NAV2: variants seen among roughly 807,000 people sequenced by gnomAD.
The protein encoded by NAV2 is helicase, APC down-regulated 1.
A neutral mutation model predicts 223.2 loss-of-function variants in NAV2; 54 were observed. The observed-to-expected ratio is 0.24, with a 90% CI of 0.19 to 0.30. NAV2 has a LOEUF of 0.30. Among genes scored for constraint, NAV2 ranks in the 10% least tolerant of loss-of-function variants. The pLI is 1.00. For missense variants in NAV2, 2,806 were observed against 3,147.5 expected, an observed-to-expected ratio of 0.89 and a Z score of 2.60; for synonymous variants, 1,279 against 1,239.3, an observed-to-expected ratio of 1.03 and a Z score of -0.67.
rs528772044 is a variant in NAV2 at position 19,662,455 on chromosome 11, G to T, written c.76-170029G>T. On this transcript the variant is annotated intron_variant, in intron 1 of 37. Coordinates refer to the NAV2 transcript ENST00000360655. ...GGTTGGCAAGGTTCATAGCATGTAA[G>T]ACCAGATCCCTGCCTCCTCAGGGAA... 3.3e-5 allele frequency among the ~76,000 whole-genome samples: 5 copies of T among 152,336 alleles called. No homozygotes were observed. The South Asian group carries it at 1.0e-3, about 32-fold the overall frequency.
chr11:19,372,514 G>A (rs1245101872), intron 1 of NAV2, among the ~76,000 whole-genome samples: 2 of 152,130 alleles, frequency 1.3e-5, no homozygotes, highest in African/African-American at 2.4e-5. Flanking sequence ...TCTAACTGGC[G>A]CAGAGGAGCA....
rs947304762 is a variant in NAV2, at chr11:19,615,765, G to A, written c.76-216719G>A. 6.6e-5 allele frequency among the ~76,000 whole-genome samples: 10 copies of A among 152,102 alleles called. 1 individual carries two copies. Among genetic ancestry groups the A allele is most frequent in the African/African-American group, 2.4e-4 (10 of 41,434 alleles). On this transcript the variant is annotated intron_variant, in intron 1 of 37. Coordinates refer to the NAV2 transcript ENST00000360655. ...TTAATCGTAGCAGCCTCCATTTATT[G>A]AGAGCGTGTGATGTGCTAGCACCCT...
intron 1 of NAV2, among the ~76,000 whole-genome samples, chr11:19,422,814 C>T (rs1367095959): frequency 3.9e-5 from 6 of 152,238 alleles, no homozygotes; most frequent in African/African-American, 4.8e-5. Context: ...CTCCATCCCT[C>T]TCCCCTTCTG....
chr11:19,579,921 C>T (rs1034941938), intron 1 of NAV2, among the ~76,000 whole-genome samples: 13 of 152,174 alleles, frequency 8.5e-5, no homozygotes, highest in African/African-American at 2.4e-4. Context: ...AGGCCCAGCA[C>T]GTTAAACCAG....
At chr11:20,025,100 T>C (rs2153541834) in intron 11 of NAV2, among the ~76,000 whole-genome samples, 1 of 152,316 alleles carries the variant, frequency 6.6e-6, no homozygotes, top group East Asian at 1.9e-4. Context: ...CAGATCTGTA[T>C]TCAAATCCAG....
chr11:19,598,170 C>T (rs1036126601), intron 1 of NAV2, among the ~76,000 whole-genome samples: 25 of 152,182 alleles, frequency 1.6e-4, no homozygotes, highest in South Asian at 4.1e-4. Flanking sequence ...GGGAGTGTGC[C>T]GTCTCTTCTG....
At chr11:19,734,925 C>A (rs1445211803) in intron 1 of NAV2, among the ~76,000 whole-genome samples, 1 of 152,188 alleles carries the variant, frequency 6.6e-6, no homozygotes, top group Non-Finnish European at 1.5e-5. Flanking sequence ...ACCTAGGTAG[C>A]ATGTAGTTAT....
chr11:19,820,804 G>C (rs966308563), intron 1 of NAV2, among the ~76,000 whole-genome samples: 1 of 152,182 alleles, frequency 6.6e-6, no homozygotes, highest in Non-Finnish European at 1.5e-5. Flanking sequence ...TATTGGAGCT[G>C]TTACTCCAGT....
chr11:19,994,542 C>CT (rs2051675106), intron 11 of NAV2, among the ~76,000 whole-genome samples: 1 of 142,196 alleles, frequency 7.0e-6, no homozygotes, highest in South Asian at 2.2e-4. Context: ...GCAAAAAACT[C>CT]TGTCTCAAAG....
rs74781515 is a variant in NAV2 at position 19,629,807 on chromosome 11, G to A, written c.76-202677G>A. Among the ~76,000 whole-genome samples the A allele has an allele frequency of 7.9e-5, 12 of 152,194 alleles. No homozygotes were observed. The East Asian group carries it at 2.3e-3, about 29-fold the overall frequency. On this transcript the variant is annotated intron_variant, in intron 1 of 37. Coordinates refer to the NAV2 transcript ENST00000360655. Reference sequence around the variant, plus strand: ...ACTAAATCACACCCTGCACTTTCCCGCCTCTCAACCTCTGCTCTCACAGTG... The same window carrying A: ...ACTAAATCACACCCTGCACTTTCCCACCTCTCAACCTCTGCTCTCACAGTG...
chr11:19,401,657 T>A (rs1040484278), intron 1 of NAV2, among the ~76,000 whole-genome samples: 6 of 152,178 alleles, frequency 3.9e-5, no homozygotes, highest in Admixed American at 1.3e-4. Context: ...GGACTCAGGA[T>A]TCACCCACTC....
At chr11:19,472,592 T>A (rs2041997805) in intron 1 of NAV2, among the ~76,000 whole-genome samples, 1 of 152,152 alleles carries the variant, frequency 6.6e-6, no homozygotes, top group South Asian at 2.1e-4. Flanking sequence ...CCTCATTTCC[T>A]CTTGTGTAGT....
rs777242370 is a variant in NAV2 at position 20,035,987 on chromosome 11, G to A, written c.2797G>A (p.Gly933Ser). 60 of 1,614,016 alleles carry A rather than the reference G, an allele frequency of 3.7e-5. No individual in the cohort carries two copies. Among genetic ancestry groups the A allele is most frequent in the African/African-American group, 1.5e-4 (11 of 74,922 alleles). ...GGACGACAGCAGCTCCGTCAGCAGC[G>A]GCATCAGCGACACCATAGACAACCT... Reference protein sequence around the residue: ...SWDDSSSVSSGISDTIDNLST... With the variant: ...SWDDSSSVSSSISDTIDNLST... Residue 933 changes from glycine (G) to serine (S), a missense_variant, in exon 12 of 38, where the codon GGC becomes AGC. Physicochemically the swap from Gly to Ser is moderately conservative, Grantham distance 56. Around this residue, in one of 4 missense-constraint regions of NAV2, gnomAD observed 73 missense variants for 119.7 expected, o/e 0.61. Transcript: ENST00000349880.
chr11:19,944,951 TCTTTC>T (rs1487322785), intron 8 of NAV2, among the ~76,000 whole-genome samples: 1 of 148,522 alleles, frequency 6.7e-6, no homozygotes, highest in Non-Finnish European at 1.5e-5. Flanking sequence ...TCCCCTTTCC[TCTTTC>T]CTTTCCGTTC....
At position 20,085,956 on chromosome 11, in the gene NAV2, C is replaced by A. The variant is rs185612126; in HGVS notation, c.5498+2777C>A. Among the ~76,000 whole-genome samples the A allele has an allele frequency of 2.9e-3, 435 of 152,264 alleles. 6 individuals carry two copies. The highest frequency in any genetic ancestry group is 0.019 in the Admixed American group (288 of 15,300). ...GTGAACACATAGCAGCCTCTGCCAC[C>A]CCAGCCTCCCAATGAGCAGGGCAGT... is the stretch of plus-strand genomic sequence containing the variant. On this transcript the variant is annotated intron_variant, in intron 26 of 37. Coordinates refer to ENST00000349880, the MANE Select transcript of NAV2 (RefSeq NM_145117.5).
intron 1 of NAV2, 72 bp from the exon 2 acceptor site, chr11:19,832,412 C>A: frequency 8.3e-7 from 1 of 1,204,244 alleles, no homozygotes; most frequent in Non-Finnish European, 1.2e-6. Flanking sequence ...TGTGCCGGCC[C>A]GAGCAGCTGC....
chr11:19,589,054 G>A lies in NAV2; in HGVS notation c.75+238027G>A, dbSNP rs116392051. ...ACTCACCATACCTGGTCCTTCCTCT[G>A]TGCCTCCTCTGTGCTGGTTCCTGGG... On this transcript the variant is annotated intron_variant, in intron 1 of 37. Coordinates refer to the NAV2 transcript ENST00000360655. Among the ~76,000 whole-genome samples, 1,053 of 152,296 alleles carry A rather than the reference G, an allele frequency of 6.9e-3. 6 individuals are homozygous for A. The highest frequency in any genetic ancestry group is 0.039 in the South Asian group (188 of 4,832).
chr11:19,948,836 G>A lies in NAV2; in HGVS notation c.2401G>A (p.Gly801Ser). The A allele has an allele frequency of 6.2e-7, 1 of 1,614,022 alleles. No homozygotes were observed. The highest frequency in any genetic ancestry group is 8.5e-7 in the Non-Finnish European group (1 of 1,180,018). ...RLQAGDAPSM[G>S]NGYPPRANAS... ...CCAAGCAGGAGACGCCCCCTCAATG[G>A]GCAATGGGTATCCCCCTCGAGCCAA... Residue 801 changes from glycine to serine, a missense_variant, in exon 10 of 38, where the codon GGC becomes AGC. Physicochemically the swap from Gly to Ser is moderately conservative, Grantham distance 56. Coordinates refer to ENST00000349880, the MANE Select transcript of NAV2 (RefSeq NM_145117.5).
intron 1 of NAV2, among the ~76,000 whole-genome samples, chr11:19,457,202 C>T (rs1851986318): frequency 6.6e-6 from 1 of 152,132 alleles, no homozygotes; most frequent in Non-Finnish European, 1.5e-5. Context: ...AAAACAACAG[C>T]AGCAATGTCA....
Sources: gnomAD v4.1 joint callset for allele counts (sites outside exome capture counted in the v4.1 genomes callset) on GRCh38, gnomAD v4.1.1 for gene constraint, gnomAD v4.1.1 regional missense constraint, MANE v1.5 for transcripts, NCBI Gene and HGNC (gene_info 2026-07-23, HGNC 2026-07-21) for gene names.